The following MORN1 variants were observed in gnomAD, a reference collection of about 807,000 sequenced individuals.
MORN1 encodes MORN repeat containing 1, also known as MORN repeat-containing protein 1.
MORN1 carries 67 observed loss-of-function variants against 61.9 expected under a neutral mutation model. That is an observed-to-expected ratio of 1.08 (90% CI 0.89 to 1.33). The LOEUF is 1.33. Ranked by LOEUF, MORN1 falls within the 40% of genes most tolerant of loss-of-function variation. MORN1 has a pLI of 0.00. For missense variants in MORN1, 752 were observed against 691.2 expected, an observed-to-expected ratio of 1.09 and a Z score of -0.99; for synonymous variants, 301 against 292.0, an observed-to-expected ratio of 1.03 and a Z score of -0.31.
chr1:2,375,334 G>A (rs531346381), intron 6 of MORN1: 2 of 152,348 alleles, frequency 1.3e-5, no homozygotes, highest in South Asian at 4.1e-4. Flanking sequence ...CCGAGGCAGC[G>A]GTGGCAGGTC....
At chr1:2,325,111 T>C (rs1184313863) in intron 12 of MORN1, among the ~76,000 whole-genome samples, 2 of 94,170 alleles carry the variant, frequency 2.1e-5, no homozygotes, top group East Asian at 3.7e-4. Flanking sequence ...CCCCTTTCCT[T>C]CCCTTCCTTC....
chr1:2,348,758 C>T lies in MORN1; in HGVS notation c.1036+8674G>A, dbSNP rs1023456790. Among the ~76,000 whole-genome samples, 8 of 137,606 alleles carry T rather than the reference C, an allele frequency of 5.8e-5. No individual in the cohort carries two copies. In the East Asian group the frequency reaches 6.4e-4, roughly 11 times the overall value. 90.3% of individuals were successfully genotyped at this position (137,606 alleles called of 152,430 possible). On this transcript the variant is annotated intron_variant, in intron 10 of 13. Transcript: ENST00000378531. ...ACACCTGCGCGGGCACGCACACACA[C>T]GCACACCTGCGCAGGCACGCACACA...
In MORN1 at chr1:2,334,410, TG is replaced by T. The variant is rs372889463; in HGVS notation, c.1250+2058del. ...AGTGTGCAGCCCTTCACCTCCATGC[TG>T]GGTTCTCAACCCAGGAGCGGGCAGA... is the stretch of plus-strand genomic sequence containing the variant. On this transcript the variant is annotated intron_variant, in intron 12 of 13. Transcript: ENST00000378531. The surrounding 1 kb of genome is among the most constrained non-coding windows in gnomAD (Gnocchi z 5.4). Among the ~76,000 whole-genome samples the T allele has an allele frequency of 2.0e-4, 30 of 152,330 alleles. No individual in the cohort carries two copies. The East Asian group carries it at 3.1e-3, about 16-fold the overall frequency.
chr1:2,358,619 T>C lies in MORN1; in HGVS notation c.842A>G (p.Asn281Ser). ...EVNFFKVDRDNQETLIQTPFG... is the reference protein window; with the variant it reads ...EVNFFKVDRDSQETLIQTPFG... ...TGGGGTCTGGATGAGTGTCTCTTGGTTGTCTCTGTCCACTTTGAAAAAGTT... is the reference window on the plus strand; with the variant it reads ...TGGGGTCTGGATGAGTGTCTCTTGGCTGTCTCTGTCCACTTTGAAAAAGTT... Residue 281 changes from asparagine (N) to serine (S), a missense_variant, in exon 9 of 14, where the codon AAC becomes AGC. Asn to Ser is a conservative substitution (Grantham distance 46). Transcript: ENST00000378531. 1 of 1,614,094 alleles carries C rather than the reference T, an allele frequency of 6.2e-7. No individual in the cohort carries two copies. The highest frequency in any genetic ancestry group is 1.1e-5 in the South Asian group (1 of 91,076).
At chr1:2,341,668 C>G (rs1641397362) in intron 10 of MORN1, among the ~76,000 whole-genome samples, 1 of 150,132 alleles carries the variant, frequency 6.7e-6, no homozygotes, top group African/African-American at 2.5e-5. Flanking sequence ...TCCAGCCTGG[C>G]CACAGAGCGA....
intron 2 of MORN1, 76 bp from the exon 3 acceptor site, chr1:2,388,413 T>A: frequency 8.5e-7 from 1 of 1,171,682 alleles, no homozygotes. Flanking sequence ...GTGTTGGGCC[T>A]GTTTCTCAGA....
chr1:2,364,480 G>A (rs1223968945), intron 8 of MORN1, among the ~76,000 whole-genome samples: 2 of 131,016 alleles, frequency 1.5e-5, no homozygotes, highest in Non-Finnish European at 3.2e-5. Flanking sequence ...AGATGAGTAG[G>A]TTGCAAAAAT....
chr1:2,370,277 A>G (rs1642086200), intron 8 of MORN1, among the ~76,000 whole-genome samples: 1 of 152,230 alleles, frequency 6.6e-6, no homozygotes, highest in Admixed American at 6.5e-5. Context: ...TGATGCTGGG[A>G]TGATTGAACA....
intron 4 of MORN1, 123 bp downstream of exon 4, chr1:2,387,296 C>A: frequency 1.3e-6 from 1 of 758,112 alleles, no homozygotes. Flanking sequence ...GGCCCCCTAC[C>A]TCCTTTCCAA....
intron 12 of MORN1, among the ~76,000 whole-genome samples, chr1:2,331,810 C>T (rs116077324): frequency 0.015 from 2,216 of 151,196 alleles, 62 homozygotes; most frequent in African/African-American, 0.052. Context: ...CCCGCGGCTG[C>T]GCCTCTCCCG....
At chr1:2,340,947 A>G (rs1641381083) in intron 10 of MORN1, among the ~76,000 whole-genome samples, 1 of 152,324 alleles carries the variant, frequency 6.6e-6, no homozygotes, top group East Asian at 1.9e-4. Context: ...TGGGGCCCAT[A>G]GTGCAGACCG....
At chr1:2,322,406 G>T (rs1640902230) in intron 13 of MORN1, 2 of 985,262 alleles carry the variant, frequency 2.0e-6, no homozygotes, top group Non-Finnish European at 2.4e-6. Flanking sequence ...CAACATTCCA[G>T]ACGCCGGCCT....
intron 10 of MORN1, among the ~76,000 whole-genome samples, chr1:2,355,875 C>T (rs1641752711): frequency 6.6e-6 from 1 of 152,198 alleles, no homozygotes; most frequent in Non-Finnish European, 1.5e-5. Context: ...TCTGCGGCAC[C>T]CTTGGGACAG....
chr1:2,388,477 T>C (rs985067373), intron 2 of MORN1, 140 bp from the exon 3 acceptor site: 7 of 619,130 alleles, frequency 1.1e-5, no homozygotes, highest in African/African-American at 9.4e-5. Flanking sequence ...ATGCTATACA[T>C]GTATTTAAAA....
At chr1:2,386,419 T>A (rs1398047955) in intron 4 of MORN1, 1 of 156,052 alleles carries the variant, frequency 6.4e-6, no homozygotes, top group Non-Finnish European at 1.4e-5. Flanking sequence ...CTGCTTCTTT[T>A]GTTTTTTTTG....
intron 13 of MORN1, 106 bp from the exon 14 acceptor site, chr1:2,321,685 C>T (rs1355306682): frequency 5.2e-6 from 7 of 1,347,276 alleles, no homozygotes; most frequent in South Asian, 4.9e-5. Context: ...CCTGTGCCCC[C>T]GACCCTGGTC....
In MORN1 at chr1:2,356,178, G is replaced by A. The variant is rs1020493078; in HGVS notation, c.1036+1254C>T. ...ACGGCCGCCTGGTGGTGCCATCTGT[G>A]CAAATCCTGGGGAGAGGCCTTCAGG... On this transcript the variant is annotated intron_variant, in intron 10 of 13. Transcript: ENST00000378531. Among the ~76,000 whole-genome samples the A allele has an allele frequency of 3.3e-5, 5 of 152,170 alleles. No individual in the cohort carries two copies. The East Asian group carries it at 5.8e-4, about 18-fold the overall frequency.
Position 2,384,906 on chromosome 1 carries a change from T to C in MORN1, c.537+72A>G, listed in dbSNP as rs1171588459. On this transcript the variant is annotated intron_variant, in intron 6 of 13. Transcript: ENST00000378531. ...GAAGCTGCCAGGGTGAGGCTCCCCA[T>C]ACACCCCACGCGCCCTGCCCACCAC... is the stretch of plus-strand genomic sequence containing the variant. 2.5e-5 allele frequency: 34 copies of C among 1,337,746 alleles called. No individual in the cohort carries two copies. The Admixed American group carries it at 3.6e-4, about 14-fold the overall frequency. 82.9% of individuals were successfully genotyped at this position (1,337,746 alleles called of 1,614,324 possible). A position where few individuals can be genotyped will look rare whatever the true frequency, so the allele number is the denominator to read the frequency against.
At chr1:2,373,406 C>A (rs1570018824) in intron 7 of MORN1, among the ~76,000 whole-genome samples, 1 of 152,354 alleles carries the variant, frequency 6.6e-6, no homozygotes, top group South Asian at 2.1e-4. Context: ...CGGAGGGAGA[C>A]CCTCCTCGGG....
Sources: allele counts gnomAD v4.1 joint callset (sites outside exome capture counted in the v4.1 genomes callset), GRCh38; gene constraint gnomAD v4.1.1; non-coding constraint Gnocchi (gnomAD v3.1); transcripts MANE v1.5; gene names NCBI Gene and HGNC (gene_info 2026-07-23, HGNC 2026-07-21).